Variants in ZNRF3 observed in about 807,000 individuals in gnomAD.
The protein encoded by ZNRF3 is zinc and ring finger 3, also known as E3 ubiquitin-protein ligase ZNRF3.
A neutral mutation model predicts 72.5 loss-of-function variants in ZNRF3; 23 were observed. The ratio of observed to expected loss-of-function variants is 0.32; its 90% CI spans 0.23 to 0.45. The LOEUF (loss-of-function observed/expected upper bound fraction) is 0.45, where lower values mean the gene tolerates loss of function less well. Ranked by LOEUF, ZNRF3 falls within the 20% of genes least tolerant of loss-of-function variation. The pLI is 1.00. For synonymous variants in ZNRF3, 610 were observed against 545.3 expected, an observed-to-expected ratio of 1.12 and a Z score of -1.65; for missense variants, 1,169 against 1,272.1, an observed-to-expected ratio of 0.92 and a Z score of 1.23.
intron 1 of ZNRF3, among the ~76,000 whole-genome samples, chr22:28,958,532 TATC>T (rs887827532): frequency 4.6e-5 from 7 of 152,178 alleles, no homozygotes; most frequent in African/African-American, 1.4e-4. Context: ...CCAGGTTCCT[TATC>T]ATCCCATGGG....
At chr22:28,907,416 C>T (rs1433204687) in intron 1 of ZNRF3, among the ~76,000 whole-genome samples, 1 of 152,138 alleles carries the variant, frequency 6.6e-6, no homozygotes, top group Non-Finnish European at 1.5e-5. Context: ...ATCTAATTTT[C>T]TCCAATTTCT....
intron 1 of ZNRF3, among the ~76,000 whole-genome samples, chr22:28,944,477 G>A (rs542143479): frequency 1.3e-5 from 2 of 152,100 alleles, no homozygotes; most frequent in East Asian, 3.9e-4. Context: ...GAAAAATGCC[G>A]GGTGCGGTGG....
At chr22:28,931,263 A>G (rs757667590) in intron 1 of ZNRF3, among the ~76,000 whole-genome samples, 1 of 152,200 alleles carries the variant, frequency 6.6e-6, no homozygotes, top group Non-Finnish European at 1.5e-5. Flanking sequence ...TAATGGTTAG[A>G]TAAATCTTGC....
intron 1 of ZNRF3, among the ~76,000 whole-genome samples, chr22:28,924,127 T>C (rs1262999935): frequency 6.6e-6 from 1 of 152,244 alleles, no homozygotes; most frequent in East Asian, 1.9e-4. Context: ...CAGGTTCTTT[T>C]TTTAAATTTA....
Position 28,883,649 on chromosome 22 carries a change from A to G in ZNRF3, c.-118A>G, listed in dbSNP as rs1032170383. ...AGCCGAGCTGAGCCTGCGACCCACA[A>G]AGCCGCCGCCGCCGCCGCCGTGATG... On this transcript the variant is annotated 5_prime_UTR_variant, in exon 1 of 9. Coordinates refer to ENST00000544604, the MANE Select transcript of ZNRF3 (RefSeq NM_001206998.2). The surrounding 1 kb of genome is among the most constrained non-coding windows in gnomAD (Gnocchi z 5.5). 1,632 of 960,020 alleles carry G rather than the reference A, an allele frequency of 1.7e-3. 2 individuals carry two copies. The highest frequency in any genetic ancestry group is 3.4e-3 in the Admixed American group (55 of 16,194). 59.5% of individuals were successfully genotyped at this position (960,020 alleles called of 1,614,324 possible).
At chr22:28,989,494 G>T (rs2035916789) in intron 2 of ZNRF3, among the ~76,000 whole-genome samples, 1 of 152,150 alleles carries the variant, frequency 6.6e-6, no homozygotes, top group Non-Finnish European at 1.5e-5. Flanking sequence ...CAAAAAAATA[G>T]GTTAAAGGAA....
In ZNRF3 at chr22:29,007,752, C is replaced by CTTT. The variant is rs943507617; in HGVS notation, c.426+20571_426+20573dup. 1.7e-3 allele frequency among the ~76,000 whole-genome samples: 75 copies of CTTT among 43,666 alleles called. 4 individuals carry two copies. The highest frequency in any genetic ancestry group is 2.8e-3 in the African/African-American group (39 of 13,718). The allele number at this position is 43,666 out of a possible 152,430, so 28.6% of individuals were successfully genotyped here. ...CCTTTCATAGAAATTCCATTTCTTCCTTTTTTTTTTTTTTTTTTTTTTGAG... is the reference window on the plus strand; with the variant it reads ...CCTTTCATAGAAATTCCATTTCTTCCTTTTTTTTTTTTTTTTTTTTTTTTTGAG... On this transcript the variant is annotated intron_variant, in intron 2 of 8. Coordinates refer to ENST00000544604, the MANE Select transcript of ZNRF3 (RefSeq NM_001206998.2).
At chr22:29,021,268 T>A (rs1426444629) in intron 2 of ZNRF3, among the ~76,000 whole-genome samples, 3 of 151,878 alleles carry the variant, frequency 2.0e-5, no homozygotes, top group African/African-American at 4.8e-5. Context: ...AAAAATAAAA[T>A]AAAATACTGA....
chr22:28,935,355 C>A (rs1349108071), intron 1 of ZNRF3, among the ~76,000 whole-genome samples: 1 of 152,184 alleles, frequency 6.6e-6, no homozygotes, highest in African/African-American at 2.4e-5. Context: ...TGGGGGCAGC[C>A]CACCCTGGCG....
chr22:28,978,181 T>G (rs1211131268), intron 1 of ZNRF3, among the ~76,000 whole-genome samples: 1 of 152,224 alleles, frequency 6.6e-6, no homozygotes, highest in Non-Finnish European at 1.5e-5. Flanking sequence ...GCATTTTGCC[T>G]TAGTAACTAT....
At chr22:28,943,420 G>C (rs576946700) in intron 1 of ZNRF3, among the ~76,000 whole-genome samples, 27 of 152,286 alleles carry the variant, frequency 1.8e-4, no homozygotes, top group African/African-American at 5.5e-4. Flanking sequence ...TACCAGGCTG[G>C]GGGTAGAGGC....
At chr22:28,922,382 T>G (rs2034526232) in intron 1 of ZNRF3, among the ~76,000 whole-genome samples, 2 of 152,244 alleles carry the variant, frequency 1.3e-5, no homozygotes, top group South Asian at 4.1e-4. Context: ...TATTTAAAAT[T>G]TGCTGTTGTT....
intron 1 of ZNRF3, among the ~76,000 whole-genome samples, chr22:28,945,111 A>G (rs994697948): frequency 6.6e-6 from 1 of 151,258 alleles, no homozygotes; most frequent in Non-Finnish European, 1.5e-5. Flanking sequence ...TGAGCTCAAG[A>G]GCTCAAGACC....
At chr22:29,041,896 A>T (rs1332468194) in intron 2 of ZNRF3, among the ~76,000 whole-genome samples, 1 of 152,180 alleles carries the variant, frequency 6.6e-6, no homozygotes, top group Non-Finnish European at 1.5e-5. Flanking sequence ...CATGAGATGG[A>T]CCAAAGGCAC....
intron 1 of ZNRF3, among the ~76,000 whole-genome samples, chr22:28,917,005 A>G (rs1004026716): frequency 3.3e-5 from 5 of 152,132 alleles, no homozygotes; most frequent in Admixed American, 3.3e-4. Flanking sequence ...TGGAGGCCCG[A>G]CAACATTAAA....
intron 1 of ZNRF3, among the ~76,000 whole-genome samples, chr22:28,893,902 G>C (rs2033942430): frequency 6.6e-6 from 1 of 152,136 alleles, no homozygotes; most frequent in East Asian, 1.9e-4. Context: ...CTCTACAGGA[G>C]TGGTCTAGTT....
intron 2 of ZNRF3, among the ~76,000 whole-genome samples, chr22:29,009,993 G>A (rs892081631): frequency 2.1e-5 from 3 of 143,234 alleles, no homozygotes; most frequent in Admixed American, 1.5e-4. Context: ...TGCAAGCTCC[G>A]CCTCCTGGGT....
At chr22:29,018,346 G>C in intron 2 of ZNRF3, 1 of 199,542 alleles carries the variant, frequency 5.0e-6, no homozygotes, top group African/African-American at 2.3e-5. Flanking sequence ...AGAGGAGGAA[G>C]ATTTGGGTTT....
chr22:28,958,712 C>T (rs1332176754), intron 1 of ZNRF3, among the ~76,000 whole-genome samples: 1 of 152,124 alleles, frequency 6.6e-6, no homozygotes, highest in Non-Finnish European at 1.5e-5. Context: ...CATGACTGGC[C>T]TCATTTGGTT....
Sources: allele counts gnomAD v4.1 joint callset (sites outside exome capture counted in the v4.1 genomes callset), GRCh38; gene constraint gnomAD v4.1.1; non-coding constraint Gnocchi (gnomAD v3.1); transcripts MANE v1.5; gene names NCBI Gene and HGNC (gene_info 2026-07-23, HGNC 2026-07-21).